The following CA12 variants were observed in gnomAD, a reference collection of about 807,000 sequenced individuals.
CA12 encodes the protein carbonate dehydratase XII.
Under a neutral mutation model 46.8 loss-of-function variants are expected in CA12, and 36 were observed. That is an observed-to-expected ratio of 0.77 (90% CI 0.59 to 1.02). CA12 has a LOEUF of 1.02. Ranked by LOEUF, CA12 falls within the 50% of genes least tolerant of loss-of-function variation. The pLI, the probability that CA12 is intolerant of heterozygous loss-of-function variation, is 0.00. For missense variants in CA12, 436 were observed against 451.4 expected, an observed-to-expected ratio of 0.97 and a Z score of 0.31; for synonymous variants, 202 against 187.0, an observed-to-expected ratio of 1.08 and a Z score of -0.65.
chr15:63,337,532 T>C (rs1434504022), intron 8 of CA12, among the ~76,000 whole-genome samples: 1 of 151,898 alleles, frequency 6.6e-6, no homozygotes, highest in Non-Finnish European at 1.5e-5. Flanking sequence ...TCTCGGCTCA[T>C]TGCAACCTCT....
At position 63,327,106 on chromosome 15, in the gene CA12, A is replaced by T. The variant is rs975493649; in HGVS notation, c.992+43T>A. ...TTCCCAGGCAGACTAATCATCATGG[A>T]CACATAGCTGTCCATTCCCATTTTG... On this transcript the variant is annotated intron_variant, in intron 10 of 10. Transcript: ENST00000178638. This position sits in a 1 kb window ranked among gnomAD's most constrained non-coding sequence, Gnocchi z 4.5. The T allele has an allele frequency of 2.0e-6, 3 of 1,528,220 alleles. No homozygotes were observed. The highest frequency in any genetic ancestry group is 2.7e-6 in the Non-Finnish European group (3 of 1,102,272). The allele number at this position is 1,528,220 out of a possible 1,614,324, so 94.7% of individuals were successfully genotyped here.
At chr15:63,370,466 A>AG (rs1166419726) in intron 2 of CA12, among the ~76,000 whole-genome samples, 2 of 150,574 alleles carry the variant, frequency 1.3e-5, no homozygotes, top group Non-Finnish European at 3.0e-5. Flanking sequence ...AAAGAAAAAA[A>AG]GAAAAGATAG....
At position 63,330,226 on chromosome 15, in the gene CA12, T is replaced by G. The variant is rs560012202; in HGVS notation, c.875-2096A>C. 3.1e-4 allele frequency among the ~76,000 whole-genome samples: 47 copies of G among 152,296 alleles called. No homozygotes were observed. Among genetic ancestry groups the G allele is most frequent in the African/African-American group, 1.1e-3 (47 of 41,558 alleles). ...ACATGAGTCTCCACCTGGAGGGAGC[T>G]TCCAGTGTTTGTACAGCACAAGCTC... On this transcript the variant is annotated intron_variant, in intron 8 of 10. Coordinates refer to ENST00000178638, the MANE Select transcript of CA12 (RefSeq NM_001218.5). This position sits in a 1 kb window ranked among gnomAD's most constrained non-coding sequence, Gnocchi z 4.0.
intron 1 of CA12, among the ~76,000 whole-genome samples, chr15:63,381,167 A>G (rs1392063514): frequency 6.6e-6 from 1 of 152,186 alleles, no homozygotes; most frequent in Non-Finnish European, 1.5e-5. Flanking sequence ...ACTTGTAGGT[A>G]AGACTTAATG....
intron 2 of CA12, among the ~76,000 whole-genome samples, chr15:63,364,325 G>A (rs1205498165): frequency 2.7e-4 from 6 of 22,302 alleles, no homozygotes; most frequent in Admixed American, 2.0e-3. Flanking sequence ...GTGAAACCCC[G>A]TCACTAGAAA....
At chr15:63,350,133 A>G (rs1328024318) in intron 2 of CA12, among the ~76,000 whole-genome samples, 2 of 152,168 alleles carry the variant, frequency 1.3e-5, no homozygotes, top group Non-Finnish European at 2.9e-5. Flanking sequence ...TGTAATGGCT[A>G]GTGGGTGTCC....
chr15:63,340,311 G>A lies in CA12; in HGVS notation c.724C>T (p.Pro242Ser), dbSNP rs762712607. 1 of 1,614,140 alleles carries A rather than the reference G, an allele frequency of 6.2e-7. No homozygotes were observed. Among genetic ancestry groups the A allele is most frequent in the Non-Finnish European group, 8.5e-7 (1 of 1,180,038 alleles). Residue 242 changes from proline to serine, a missense_variant, in exon 7 of 11, where the codon CCC becomes TCC. By Grantham distance (74) the Pro-to-Ser change is moderately conservative. Transcript: ENST00000178638. The surrounding 1 kb of genome is among the most constrained non-coding windows in gnomAD (Gnocchi z 4.4). ...PTVLWTVFRN[P>S]VQISQEQLLA... ...ACCTGCTCCTGGGAAATTTGCACGG[G>A]GTTTCGGAAAACTGTCCAGAGCACA... is the stretch of plus-strand genomic sequence containing the variant.
Position 63,323,270 on chromosome 15 carries a change from A to G in CA12, c.*3015T>C, listed in dbSNP as rs911452047. On this transcript the variant is annotated 3_prime_UTR_variant, in exon 11 of 11. Transcript: ENST00000178638. The surrounding 1 kb of genome is among the most constrained non-coding windows in gnomAD (Gnocchi z 5.1). ...GTGCAGCTCCGATCCCACCTCCTCC[A>G]GGGTCTTTATTTAATTCCTCTAGGC... 2.0e-5 allele frequency: 3 copies of G among 152,164 alleles called. No individual in the cohort carries two copies. Among genetic ancestry groups the G allele is most frequent in the Non-Finnish European group, 4.4e-5 (3 of 68,048 alleles). 9.4% of individuals were successfully genotyped at this position (152,164 alleles called of 1,614,324 possible).
At position 63,343,205 on chromosome 15, in the gene CA12, T is replaced by C. The variant is rs546403231; in HGVS notation, c.430-1108A>G. 5.3e-5 allele frequency among the ~76,000 whole-genome samples: 8 copies of C among 151,898 alleles called. No homozygotes were observed. The South Asian group carries it at 1.7e-3, about 32-fold the overall frequency. On this transcript the variant is annotated intron_variant, in intron 4 of 10. Coordinates refer to ENST00000178638, the MANE Select transcript of CA12 (RefSeq NM_001218.5). ...TTGTGGTTTGTCTGTACTTTTCTTA[T>C]TGTGCTCAGAGGAAGTGAAGACTAA...
chr15:63,374,938 G>C lies in CA12; in HGVS notation c.106+720C>G, dbSNP rs1330021199. Among the ~76,000 whole-genome samples the C allele has an allele frequency of 6.6e-6, 1 of 152,188 alleles. No individual in the cohort carries two copies. The highest frequency in any genetic ancestry group is 1.5e-5 in the Non-Finnish European group (1 of 68,034). On this transcript the variant is annotated intron_variant, in intron 2 of 10. Coordinates refer to ENST00000178638, the MANE Select transcript of CA12 (RefSeq NM_001218.5). This position sits in a 1 kb window ranked among gnomAD's most constrained non-coding sequence, Gnocchi z 4.4. Reference sequence around the variant, plus strand: ...ATTATCAACATTCCCGCACTGGCCAGGGGACTCAGGTGTCTGGCCTGCCAC... The same window carrying C: ...ATTATCAACATTCCCGCACTGGCCACGGGACTCAGGTGTCTGGCCTGCCAC...
rs2038891927 is a variant in CA12 at position 63,328,153 on chromosome 15, C to T, written c.875-23G>A. The T allele has an allele frequency of 2.5e-6, 4 of 1,611,594 alleles. No individual in the cohort carries two copies. Among genetic ancestry groups the T allele is most frequent in the African/African-American group, 1.3e-5 (1 of 74,940 alleles). ...GCACTTAAAAGGGGAGAGGAAAAGA[C>T]GAGGTTACTCTAGAGTCAAACCACA... is the stretch of plus-strand genomic sequence containing the variant. On this transcript the variant is annotated intron_variant, in intron 8 of 10. Transcript: ENST00000178638. This position sits in a 1 kb window ranked among gnomAD's most constrained non-coding sequence, Gnocchi z 5.9.
At chr15:63,336,222 G>A (rs1424342331) in intron 8 of CA12, among the ~76,000 whole-genome samples, 1 of 152,204 alleles carries the variant, frequency 6.6e-6, no homozygotes, top group Non-Finnish European at 1.5e-5. Flanking sequence ...GGCCCCTCAA[G>A]CTCCCCTATC....
chr15:63,333,698 C>T (rs1219433412), intron 8 of CA12, among the ~76,000 whole-genome samples: 2 of 152,180 alleles, frequency 1.3e-5, no homozygotes, highest in African/African-American at 2.4e-5. Context: ...TGATTTCCTT[C>T]TCCCTCCTTT....
chr15:63,353,019 GT>G (rs2152620563), intron 2 of CA12, among the ~76,000 whole-genome samples: 1 of 152,192 alleles, frequency 6.6e-6, no homozygotes, highest in African/African-American at 2.4e-5. Flanking sequence ...CAACAAATGT[GT>G]CTAGTATGTG....
intron 2 of CA12, among the ~76,000 whole-genome samples, chr15:63,350,578 C>T (rs1595783785): frequency 6.6e-6 from 1 of 152,132 alleles, no homozygotes; most frequent in East Asian, 1.9e-4. Flanking sequence ...TATTTCTTTC[C>T]TGTCTATGTG....
intron 4 of CA12, among the ~76,000 whole-genome samples, 163 bp from the exon 5 acceptor site, chr15:63,342,260 A>T (rs1232494910): frequency 6.6e-6 from 1 of 152,178 alleles, no homozygotes; most frequent in Non-Finnish European, 1.5e-5. Flanking sequence ...GCCAAGGATA[A>T]GGACATGTGC....
chr15:63,330,975 C>T lies in CA12; in HGVS notation c.875-2845G>A, dbSNP rs2038930871. Among the ~76,000 whole-genome samples, 1 of 152,238 alleles carries T rather than the reference C, an allele frequency of 6.6e-6. No homozygotes were observed. The highest frequency in any genetic ancestry group is 2.1e-4 in the South Asian group (1 of 4,838). The stretch of plus-strand genomic sequence containing the variant: ...AGACTTTGATACAGCAAAAACGAAG[C>T]AGCTTGACTGAGCCAACATCATAAG... On this transcript the variant is annotated intron_variant, in intron 8 of 10. Coordinates refer to ENST00000178638, the MANE Select transcript of CA12 (RefSeq NM_001218.5). This position sits in a 1 kb window ranked among gnomAD's most constrained non-coding sequence, Gnocchi z 4.0.
intron 2 of CA12, among the ~76,000 whole-genome samples, chr15:63,366,807 C>G (rs1360528304): frequency 1.3e-5 from 2 of 152,232 alleles, no homozygotes; most frequent in South Asian, 2.1e-4. Context: ...TAGGGTACCA[C>G]TAGACTAAGG....
chr15:63,362,068 G>A lies in CA12; in HGVS notation c.106+13590C>T, dbSNP rs539702204. Among the ~76,000 whole-genome samples, 375 of 152,094 alleles carry A rather than the reference G, an allele frequency of 2.5e-3. 1 individual carries two copies. Among genetic ancestry groups the A allele is most frequent in the Non-Finnish European group, 4.6e-3 (316 of 68,008 alleles). On this transcript the variant is annotated intron_variant, in intron 2 of 10. Transcript: ENST00000178638. The stretch of plus-strand genomic sequence containing the variant: ...AGAGAGTAAGTTTTTGAAGCTTTGC[G>A]GGCCCTGTGGTTTCTGTCACTACCA...
Sources: allele counts gnomAD v4.1 joint callset (sites outside exome capture counted in the v4.1 genomes callset), GRCh38; gene constraint gnomAD v4.1.1; non-coding constraint Gnocchi (gnomAD v3.1); transcripts MANE v1.5; gene names NCBI Gene and HGNC (gene_info 2026-07-23, HGNC 2026-07-21).